The following TLL2 variants were observed in gnomAD, a reference collection of about 807,000 sequenced individuals.
TLL2 encodes the protein tolloid-like protein 2.
In TLL2, 106 loss-of-function variants were observed where a neutral mutation model predicts 123.0. The observed-to-expected ratio is 0.86, with a 90% confidence interval of 0.74 to 1.01. TLL2 has a LOEUF of 1.01. Among genes scored for constraint, TLL2 ranks in the 50% least tolerant of loss-of-function variants. The probability of loss-of-function intolerance (pLI) is 0.00; values close to 1 mark genes in which losing one functional copy is unlikely to be tolerated. For missense variants in TLL2, 1,332 were observed against 1,336.7 expected (o/e 1.00, Z 0.06); for synonymous variants, 494 against 516.8 (o/e 0.96, Z 0.60).
intron 9 of TLL2, among the ~76,000 whole-genome samples, chr10:96,407,540 G>C (rs1486134910): frequency 1.3e-5 from 2 of 152,276 alleles, no homozygotes; most frequent in Non-Finnish European, 2.9e-5. Flanking sequence ...ATATTGCTAT[G>C]CCTGGCACAC....
intron 2 of TLL2, among the ~76,000 whole-genome samples, chr10:96,466,554 G>A (rs1405181174): frequency 1.3e-5 from 2 of 152,194 alleles, no homozygotes; most frequent in Non-Finnish European, 2.9e-5. Context: ...CTTGTCGGGT[G>A]CTCAGTTTCA....
rs1847655936 is a variant in TLL2, at chr10:96,513,707, G to A, written c.-22C>T. On this transcript the variant is annotated 5_prime_UTR_variant, in exon 1 of 21. Transcript: ENST00000357947. ...GCATGGTGGCGCGGGGCCGGCTGGG[G>A]CAGAGGGAGTTGCGTGCACGAAAGC... 1 of 1,487,976 alleles carries A rather than the reference G, an allele frequency of 6.7e-7. No homozygotes were observed. The highest frequency in any genetic ancestry group is 8.9e-7 in the Non-Finnish European group (1 of 1,124,130). 92.2% of individuals were successfully genotyped at this position (1,487,976 alleles called of 1,614,324 possible).
At chr10:96,487,209 C>T (rs1243907032) in intron 1 of TLL2, among the ~76,000 whole-genome samples, 1 of 152,166 alleles carries the variant, frequency 6.6e-6, no homozygotes, top group African/African-American at 2.4e-5. Context: ...GAGAATTAAA[C>T]AACATGAGGT....
In TLL2 at chr10:96,365,744, G is replaced by A. The variant is rs1347590187; in HGVS notation, c.*2344C>T. On this transcript the variant is annotated 3_prime_UTR_variant, in exon 21 of 21. Transcript: ENST00000357947. ...GTCATGCCTAAGTCCCCACAAGTGT[G>A]GGCTTCCAGAGGAGCGGCCCAGCTA... The A allele has an allele frequency of 6.6e-6, 1 of 152,210 alleles. No homozygotes were observed. Among genetic ancestry groups the A allele is most frequent in the African/African-American group, 2.4e-5 (1 of 41,452 alleles). 9.4% of individuals were successfully genotyped at this position (152,210 alleles called of 1,614,324 possible).
intron 2 of TLL2, among the ~76,000 whole-genome samples, chr10:96,473,125 A>G (rs1847201595): frequency 6.6e-6 from 1 of 152,188 alleles, no homozygotes; most frequent in South Asian, 2.1e-4. Context: ...CAGAGTACAG[A>G]TAGGAACTCT....
At position 96,446,071 on chromosome 10, in the gene TLL2, C is replaced by T. The variant is rs1232976539; in HGVS notation, c.364+20G>A. On this transcript the variant is annotated intron_variant, in intron 3 of 20. Coordinates refer to ENST00000357947, the MANE Select transcript of TLL2 (RefSeq NM_012465.4). The stretch of plus-strand genomic sequence containing the variant: ...GAAAGAAAACAAGGTACCCAAAGAC[C>T]TGGTGAGGGCTCACATTACCCTTTC... 2.5e-6 allele frequency: 4 copies of T among 1,613,306 alleles called. No individual in the cohort carries two copies. Among genetic ancestry groups the T allele is most frequent in the Non-Finnish European group, 3.4e-6 (4 of 1,179,518 alleles).
At chr10:96,476,157 C>T (rs573272131) in intron 2 of TLL2, among the ~76,000 whole-genome samples, 2 of 149,728 alleles carry the variant, frequency 1.3e-5, no homozygotes, top group South Asian at 4.3e-4. Flanking sequence ...TCTAAGAATA[C>T]ATCTTCCCAC....
In TLL2 at chr10:96,476,240, A is replaced by ATATATATATATATATTTTTTTTTTTT; in HGVS notation, c.286+4108_286+4109insAAAAAAAAAAAATATATATATATATA. On this transcript the variant is annotated intron_variant, in intron 2 of 20. Transcript: ENST00000357947. ...TTTATATGTATATATATATATATAT[A>ATATATATATATATATTTTTTTTTTTT]TTTTATTTTTGTTGTTGTTGTTGTT... Among the ~76,000 whole-genome samples the ATATATATATATATATTTTTTTTTTTT allele has an allele frequency of 2.9e-3, 59 of 20,360 alleles. 9 individuals carry two copies. Among genetic ancestry groups the ATATATATATATATATTTTTTTTTTTT allele is most frequent in the Non-Finnish European group, 5.2e-3 (51 of 9,900 alleles). The allele number at this position is 20,360 out of a possible 152,430, so 13.4% of individuals were successfully genotyped here. A position where few individuals can be genotyped will look rare whatever the true frequency, so the allele number is the denominator to read the frequency against.
intron 2 of TLL2, among the ~76,000 whole-genome samples, chr10:96,479,567 C>CA (rs1847290886): frequency 6.6e-6 from 1 of 152,242 alleles, no homozygotes; most frequent in Admixed American, 6.5e-5. Context: ...CCCAGCACCC[C>CA]AAGGGCACCT....
chr10:96,379,105 A>G lies in TLL2; in HGVS notation c.2195-13T>C, dbSNP rs1400775426. ...CACTCGTCCTTATCTGGGGAGATCA[A>G]TGAACTCTTCTAAGAGGAACCGCCA... On this transcript the variant is annotated splice_polypyrimidine_tract_variant and intron_variant, in intron 16 of 20. Transcript: ENST00000357947. 3 of 1,612,186 alleles carry G rather than the reference A, an allele frequency of 1.9e-6. No individual in the cohort carries two copies. Among genetic ancestry groups the G allele is most frequent in the African/African-American group, 1.3e-5 (1 of 74,910 alleles).
chr10:96,380,253 C>T (rs1846173764), intron 16 of TLL2, among the ~76,000 whole-genome samples: 1 of 152,098 alleles, frequency 6.6e-6, no homozygotes, highest in African/African-American at 2.4e-5. Context: ...CTGCATTTAC[C>T]AAAGATCAGC....
intron 2 of TLL2, among the ~76,000 whole-genome samples, chr10:96,459,761 G>T (rs1359302744): frequency 8.5e-6 from 1 of 117,324 alleles, no homozygotes; most frequent in Non-Finnish European, 1.7e-5. Context: ...CACATGGATT[G>T]CTGGATATAA....
At chr10:96,371,477 T>C (rs1177210451) in intron 19 of TLL2, among the ~76,000 whole-genome samples, 1 of 152,250 alleles carries the variant, frequency 6.6e-6, no homozygotes, top group African/African-American at 2.4e-5. Flanking sequence ...TTGTAGATTC[T>C]GGGCCACCTG....
chr10:96,402,261 G>A (rs942504079), intron 10 of TLL2, among the ~76,000 whole-genome samples: 14 of 152,196 alleles, frequency 9.2e-5, no homozygotes, highest in African/African-American at 3.1e-4. Flanking sequence ...CTTCCTCAGA[G>A]GTAATCACCT....
At chr10:96,382,296 T>G (rs1334271284) in intron 16 of TLL2, among the ~76,000 whole-genome samples, 1 of 152,240 alleles carries the variant, frequency 6.6e-6, no homozygotes, top group African/African-American at 2.4e-5. Context: ...CCCAAAGTGC[T>G]GGAATTACAG....
intron 1 of TLL2, among the ~76,000 whole-genome samples, chr10:96,489,316 C>T (rs1303080556): frequency 2.0e-5 from 3 of 152,164 alleles, no homozygotes; most frequent in African/African-American, 4.8e-5. Flanking sequence ...CACCTGAGCA[C>T]GGGAGTTTGA....
chr10:96,500,654 G>GC (rs1208290926), intron 1 of TLL2, among the ~76,000 whole-genome samples: 1 of 152,100 alleles, frequency 6.6e-6, no homozygotes, highest in Non-Finnish European at 1.5e-5. Flanking sequence ...ATTAGGTGGT[G>GC]CATGTGCCTA....
At chr10:96,466,397 C>T (rs909838477) in intron 2 of TLL2, among the ~76,000 whole-genome samples, 14 of 152,178 alleles carry the variant, frequency 9.2e-5, no homozygotes, top group Admixed American at 2.6e-4. Flanking sequence ...ACCTACAGAC[C>T]TTGGTATAAA....
At position 96,395,966 on chromosome 10, in the gene TLL2, T is replaced by C; in HGVS notation, c.1439A>G (p.Tyr480Cys). The change falls in exon 12 of 21, where the codon TAT becomes TGT. Residue 480 changes from tyrosine to cysteine, a missense_variant. By Grantham distance (194) the Tyr-to-Cys change is radical (BLOSUM62 -2). Coordinates refer to ENST00000357947, the MANE Select transcript of TLL2 (RefSeq NM_012465.4). ...CTTGGAAGGTCTGTAGTCATCCGGA[T>C]AGTTGGGAGATTGAATCTGACCGGC... ...KDAGQIQSPN[Y>C]PDDYRPSKEC... 1 of 1,614,164 alleles carries C rather than the reference T, an allele frequency of 6.2e-7. No individual in the cohort carries two copies. The highest frequency in any genetic ancestry group is 8.5e-7 in the Non-Finnish European group (1 of 1,180,028).
Sources: gnomAD v4.1 joint callset for allele counts (sites outside exome capture counted in the v4.1 genomes callset) on GRCh38, gnomAD v4.1.1 for gene constraint, MANE v1.5 for transcripts, NCBI Gene and HGNC (gene_info 2026-07-23, HGNC 2026-07-21) for gene names.